The following CSMD3 variants were observed in gnomAD, a reference collection of about 807,000 sequenced individuals.
The protein encoded by CSMD3 is CUB and sushi domain-containing protein 3.
A neutral mutation model predicts 435.2 loss-of-function variants in CSMD3; 177 were observed. The ratio of observed to expected loss-of-function variants is 0.41; its 90% CI spans 0.36 to 0.46. The LOEUF (loss-of-function observed/expected upper bound fraction) is 0.46, where lower values mean the gene tolerates loss of function less well. Ranked by LOEUF, CSMD3 falls within the 20% of genes least tolerant of loss-of-function variation. The pLI is 0.34. For synonymous variants in CSMD3, 1,656 were observed against 1,520.5 expected (o/e 1.09, Z -2.07); for missense variants, 4,265 against 4,504.6 (o/e 0.95, Z 1.52).
intron 9 of CSMD3, among the ~76,000 whole-genome samples, chr8:112,946,752 T>C (rs1160423740): frequency 2.0e-5 from 3 of 151,714 alleles, no homozygotes; most frequent in African/African-American, 7.2e-5. Context: ...CAAATATTAT[T>C]ATCTGTATTA....
At chr8:112,383,695 C>A (rs754092295) in intron 36 of CSMD3, 32 bp from the exon 37 acceptor site, 12 of 1,258,710 alleles carry the variant, frequency 9.5e-6, no homozygotes, top group Non-Finnish European at 1.4e-5. Context: ...TAAGAATACA[C>A]ATTTCTAACC....
At chr8:112,799,050 T>C (rs915623952) in intron 13 of CSMD3, among the ~76,000 whole-genome samples, 2 of 151,936 alleles carry the variant, frequency 1.3e-5, no homozygotes, top group Non-Finnish European at 2.9e-5. Context: ...CCAATTGTTC[T>C]TTAAATTTTG....
rs182259169 is a variant in CSMD3, at chr8:113,436,721, G to A, written c.134C>T (p.Thr45Met). The change falls in exon 1 of 71, where the codon ACG becomes ATG. Residue 45 changes from threonine to methionine, a missense_variant. By Grantham distance (81) the Thr-to-Met change is moderately conservative. Around this residue, in one of 3 missense-constraint regions of CSMD3, gnomAD observed 731 missense variants for 755.4 expected, o/e 0.97. Transcript: ENST00000297405. Reference sequence around the variant, plus strand: ...CAATAAAAAGACGAGGTTCCAAAACGTAAATCCACTTTTAATCCCCATTTT... The same window carrying A: ...CAATAAAAAGACGAGGTTCCAAAACATAAATCCACTTTTAATCCCCATTTT... The part of the protein sequence containing the change: ...MKKMGIKSGF[T>M]FWNLVFLLTV... 6.8e-6 allele frequency: 11 copies of A among 1,614,130 alleles called. No individual in the cohort carries two copies. The Admixed American group carries it at 1.7e-4, about 24-fold the overall frequency.
chr8:113,435,034 A>G (rs1329882769), intron 1 of CSMD3, among the ~76,000 whole-genome samples: 1 of 152,228 alleles, frequency 6.6e-6, no homozygotes, highest in African/African-American at 2.4e-5. Context: ...GCGCGCGTCT[A>G]GCAGGCAGCC....
At chr8:112,807,527 GGT>G (rs1205877313) in intron 12 of CSMD3, among the ~76,000 whole-genome samples, 1 of 150,046 alleles carries the variant, frequency 6.7e-6, no homozygotes, top group African/African-American at 2.5e-5. Context: ...TAGGTAGGTA[GGT>G]AGGTAGGTAG....
intron 4 of CSMD3, among the ~76,000 whole-genome samples, chr8:113,125,988 T>C (rs2091114246): frequency 6.6e-6 from 1 of 152,030 alleles, no homozygotes; most frequent in Non-Finnish European, 1.5e-5. Context: ...AATAATGTTA[T>C]GATCCAATCA....
chr8:112,838,237 T>A (rs1217759158), intron 11 of CSMD3, among the ~76,000 whole-genome samples: 1 of 151,724 alleles, frequency 6.6e-6, no homozygotes, highest in African/African-American at 2.4e-5. Context: ...AAAAAAATAT[T>A]ATTTTTGTTT....
chr8:113,327,599 C>G (rs926195635), intron 1 of CSMD3, among the ~76,000 whole-genome samples: 3 of 152,068 alleles, frequency 2.0e-5, no homozygotes, highest in Non-Finnish European at 2.9e-5. Context: ...TCAGGGGGAA[C>G]AGACCAGATT....
At chr8:112,760,482 C>T (rs2077811555) in intron 13 of CSMD3, among the ~76,000 whole-genome samples, 1 of 151,994 alleles carries the variant, frequency 6.6e-6, no homozygotes, top group Non-Finnish European at 1.5e-5. Flanking sequence ...TTATCAATAA[C>T]CAAAAGGTTT....
intron 10 of CSMD3, among the ~76,000 whole-genome samples, chr8:112,920,180 A>G (rs1386454495): frequency 6.6e-6 from 1 of 151,930 alleles, no homozygotes; most frequent in Non-Finnish European, 1.5e-5. Flanking sequence ...GAAATAGTTC[A>G]TCTGAGGAAA....
At chr8:112,893,810 C>T (rs1023909550) in intron 10 of CSMD3, among the ~76,000 whole-genome samples, 1 of 151,358 alleles carries the variant, frequency 6.6e-6, no homozygotes, top group African/African-American at 2.4e-5. Context: ...CTTTCTGTTC[C>T]TGTGTACTGT....
At chr8:112,381,968 T>C (rs1829499555) in intron 37 of CSMD3, among the ~76,000 whole-genome samples, 1 of 152,130 alleles carries the variant, frequency 6.6e-6, no homozygotes, top group African/African-American at 2.4e-5. Context: ...ACATTATTAT[T>C]TTAAAAGTAT....
intron 21 of CSMD3, among the ~76,000 whole-genome samples, chr8:112,637,402 C>T (rs1473321527): frequency 7.1e-5 from 3 of 41,966 alleles, no homozygotes; most frequent in African/African-American, 1.4e-4. Context: ...TTTTGAAATG[C>T]TTTTGCTTAA....
At chr8:113,028,248 T>A (rs1238315988) in intron 5 of CSMD3, among the ~76,000 whole-genome samples, 1 of 145,476 alleles carries the variant, frequency 6.9e-6, no homozygotes, top group Non-Finnish European at 1.6e-5. Flanking sequence ...TCACAAACTG[T>A]GCCCATGCAA....
chr8:112,694,648 C>T (rs1158113038), intron 13 of CSMD3, among the ~76,000 whole-genome samples: 1 of 152,028 alleles, frequency 6.6e-6, no homozygotes, highest in Non-Finnish European at 1.5e-5. Flanking sequence ...TAGTATGTAA[C>T]ACTGCTTTTG....
intron 12 of CSMD3, among the ~76,000 whole-genome samples, chr8:112,827,361 GT>G (rs201077177): frequency 6.6e-6 from 1 of 150,802 alleles, no homozygotes; most frequent in Non-Finnish European, 1.5e-5. Flanking sequence ...TGAGATGGAA[GT>G]TTTTTTTGTG....
At chr8:112,924,635 T>C (rs887222214) in intron 9 of CSMD3, among the ~76,000 whole-genome samples, 6 of 151,422 alleles carry the variant, frequency 4.0e-5, no homozygotes, top group African/African-American at 7.3e-5. Flanking sequence ...TATTATAAAA[T>C]AATAAATAAC....
At chr8:113,375,942 T>C (rs933435187) in intron 1 of CSMD3, among the ~76,000 whole-genome samples, 4 of 152,168 alleles carry the variant, frequency 2.6e-5, no homozygotes, top group South Asian at 4.1e-4. Flanking sequence ...TACCAAAATT[T>C]TAGTCAAAAA....
At chr8:112,464,289 T>C (rs1407602471) in intron 32 of CSMD3, among the ~76,000 whole-genome samples, 3 of 151,604 alleles carry the variant, frequency 2.0e-5, no homozygotes, top group African/African-American at 7.3e-5. Context: ...TCCAGGTCTC[T>C]GTTGTAACAA....
Sources: gnomAD v4.1 joint callset for allele counts (sites outside exome capture counted in the v4.1 genomes callset) on GRCh38, gnomAD v4.1.1 for gene constraint, gnomAD v4.1.1 regional missense constraint, MANE v1.5 for transcripts, NCBI Gene and HGNC (gene_info 2026-07-23, HGNC 2026-07-21) for gene names.